Variants in TNFSF11 observed in about 807,000 individuals in gnomAD.
TNFSF11 encodes the protein tumor necrosis factor ligand superfamily member 11.
Under a neutral mutation model 32.2 loss-of-function variants are expected in TNFSF11, and 12 were observed. The observed-to-expected ratio is 0.37, with a 90% CI of 0.24 to 0.60. The LOEUF (loss-of-function observed/expected upper bound fraction) is 0.60, where lower values mean the gene tolerates loss of function less well. Ranked by LOEUF, TNFSF11 falls within the 20% of genes least tolerant of loss-of-function variation. The pLI is 0.66. For missense variants in TNFSF11, 345 were observed against 398.0 expected, an observed-to-expected ratio of 0.87 and a Z score of 1.13; for synonymous variants, 172 against 152.1, an observed-to-expected ratio of 1.13 and a Z score of -0.96.
At chr13:42,599,349 C>CTATCTATCTATCT (rs11385072) in intron 2 of TNFSF11, among the ~76,000 whole-genome samples, 48 of 112,242 alleles carry the variant, frequency 4.3e-4, no homozygotes, top group East Asian at 1.9e-3. Flanking sequence ...ATCTATCTAT[C>CTATCTATCTATCT]ATCTATCTAT....
Position 42,606,627 on chromosome 13 carries a change from C to T in TNFSF11, c.663C>T (p.Cys221=). 6.2e-7 allele frequency: 1 copy of T among 1,614,180 alleles called. No individual in the cohort carries two copies. Among genetic ancestry groups the T allele is most frequent in the Non-Finnish European group, 8.5e-7 (1 of 1,180,026 alleles). Residue 221 remains cysteine, a synonymous_variant, in exon 5 of 5, where the codon TGC becomes TGT. Coordinates refer to ENST00000398795, the MANE Select transcript of TNFSF11 (RefSeq NM_003701.4). ...TTTATTACCTGTATGCCAACATTTG[C>T]TTTCGACATCATGAAACTTCAGGAG... The part of the protein sequence containing the change: ...DGFYYLYANI[C]FRHHETSGDL...
intron 1 of TNFSF11, among the ~76,000 whole-genome samples, chr13:42,577,837 A>G (rs1358996192): frequency 6.6e-6 from 1 of 152,222 alleles, no homozygotes; most frequent in Non-Finnish European, 1.5e-5. Context: ...GTTTCAAGGA[A>G]GTTAAAAAAA....
At chr13:42,573,567 C>A (rs1873147881), upstream of TNFSF11, among the ~76,000 whole-genome samples, 1 of 152,146 alleles carries the variant, frequency 6.6e-6, no homozygotes, top group Non-Finnish European at 1.5e-5. Context: ...GAGTTGGTGT[C>A]TATAGGCTCT....
chr13:42,574,272 A>C lies in TNFSF11; in HGVS notation c.-32A>C. The C allele has an allele frequency of 6.5e-7, 1 of 1,544,760 alleles. No individual in the cohort carries two copies. The highest frequency in any genetic ancestry group is 8.7e-7 in the Non-Finnish European group (1 of 1,144,730). On this transcript the variant is annotated 5_prime_UTR_variant, in exon 1 of 5. Transcript: ENST00000398795. ...AAGAAGGGGAGGGAGCGGGAGAGGGAGGAGAGCTCCGAAGCGAGAGGGCCG... is the reference window on the plus strand; with the variant it reads ...AAGAAGGGGAGGGAGCGGGAGAGGGCGGAGAGCTCCGAAGCGAGAGGGCCG...
chr13:42,578,474 A>C (rs1873428848), intron 1 of TNFSF11, among the ~76,000 whole-genome samples: 1 of 152,236 alleles, frequency 6.6e-6, no homozygotes, highest in African/African-American at 2.4e-5. Flanking sequence ...TGAGAAAGAC[A>C]TGTGGTTGTA....
Position 42,574,218 on chromosome 13 carries a change from C to A in TNFSF11, c.-86C>A. On this transcript the variant is annotated 5_prime_UTR_variant, in exon 1 of 5. Coordinates refer to ENST00000398795, the MANE Select transcript of TNFSF11 (RefSeq NM_003701.4). ...AAGTCGGCGCCCCACGTCGAGGCTCCGCCGCAGCCTCCGGAGTTGGCCGCA... is the reference window on the plus strand; with the variant it reads ...AAGTCGGCGCCCCACGTCGAGGCTCAGCCGCAGCCTCCGGAGTTGGCCGCA... 6 of 1,513,410 alleles carry A rather than the reference C, an allele frequency of 4.0e-6. No individual in the cohort carries two copies. The highest frequency in any genetic ancestry group is 5.4e-6 in the Non-Finnish European group (6 of 1,119,892). The allele number at this position is 1,513,410 out of a possible 1,614,324, so 93.7% of individuals were successfully genotyped here. A position where few individuals can be genotyped will look rare whatever the true frequency, so the allele number is the denominator to read the frequency against.
chr13:42,604,926 G>A (rs1253194360), intron 4 of TNFSF11, among the ~76,000 whole-genome samples: 1 of 152,150 alleles, frequency 6.6e-6, no homozygotes, highest in Non-Finnish European at 1.5e-5. Context: ...TGGGATTACG[G>A]GCGCCTGCCA....
intron 2 of TNFSF11, among the ~76,000 whole-genome samples, chr13:42,594,234 A>G (rs1420880325): frequency 1.3e-5 from 2 of 151,972 alleles, no homozygotes; most frequent in Non-Finnish European, 2.9e-5. Flanking sequence ...AACTGCCACC[A>G]TGCCCAGATA....
chr13:42,586,546 C>T (rs1873909912), intron 2 of TNFSF11, among the ~76,000 whole-genome samples: 1 of 152,180 alleles, frequency 6.6e-6, no homozygotes, highest in Admixed American at 6.5e-5. Flanking sequence ...ACATTTTCAT[C>T]AGGCTTCTTT....
chr13:42,578,165 T>C (rs1873412352), intron 1 of TNFSF11, among the ~76,000 whole-genome samples: 1 of 152,250 alleles, frequency 6.6e-6, no homozygotes, highest in Non-Finnish European at 1.5e-5. Context: ...CTGATTGTAA[T>C]ATGCAAATTA....
At position 42,591,605 on chromosome 13, in the gene TNFSF11, G is replaced by A. The variant is rs547587852; in HGVS notation, c.388-9147G>A. Among the ~76,000 whole-genome samples, 4 of 152,190 alleles carry A rather than the reference G, an allele frequency of 2.6e-5. No homozygotes were observed. The East Asian group carries it at 7.7e-4, about 29-fold the overall frequency. The stretch of plus-strand genomic sequence containing the variant: ...TTGCTTTGGGTGTTTTTGCACTATG[G>A]GCTCTTCATAAGGAACCAGGGGTCA... On this transcript the variant is annotated intron_variant, in intron 2 of 4. Coordinates refer to ENST00000398795, the MANE Select transcript of TNFSF11 (RefSeq NM_003701.4).
chr13:42,600,208 A>G (rs967768284), intron 2 of TNFSF11, among the ~76,000 whole-genome samples: 1 of 152,028 alleles, frequency 6.6e-6, no homozygotes, highest in African/African-American at 2.4e-5. Context: ...AATTGTTGGT[A>G]CTCTAAAGGC....
In TNFSF11 at chr13:42,606,702, C is replaced by A. The variant is rs1224826165; in HGVS notation, c.738C>A (p.Ser246Arg). The A allele has an allele frequency of 1.2e-6, 2 of 1,614,232 alleles. No homozygotes were observed. The highest frequency in any genetic ancestry group is 3.3e-5 in the Admixed American group (2 of 60,026). Residue 246 changes from serine (S) to arginine (R), a missense_variant, in exon 5 of 5, where the codon AGC becomes AGA. Physicochemically the swap from Ser to Arg is moderately radical, Grantham distance 110. Coordinates refer to ENST00000398795, the MANE Select transcript of TNFSF11 (RefSeq NM_003701.4). ...LQLMVYVTKTSIKIPSSHTLM... is the reference protein window; with the variant it reads ...LQLMVYVTKTRIKIPSSHTLM... ...TAATGGTGTACGTCACTAAAACCAG[C>A]ATCAAAATCCCAAGTTCTCATACCC...
intron 2 of TNFSF11, among the ~76,000 whole-genome samples, chr13:42,599,372 C>CTATCTATCTATTTATCTATT (rs879293020): frequency 1.3e-5 from 2 of 150,954 alleles, no homozygotes; most frequent in Non-Finnish European, 3.0e-5. Context: ...ATCTATCTAT[C>CTATCTATCTATTTATCTATT]TATCTATCTA....
chr13:42,567,769 A>G (rs1872920575), intron 2 of TNFSF11, among the ~76,000 whole-genome samples: 1 of 152,246 alleles, frequency 6.6e-6, no homozygotes, highest in Non-Finnish European at 1.5e-5. Flanking sequence ...ACCAAATTGT[A>G]AACAAGAGCT....
intron 2 of TNFSF11, among the ~76,000 whole-genome samples, chr13:42,590,022 C>T (rs1874090721): frequency 6.6e-6 from 1 of 152,220 alleles, no homozygotes; most frequent in African/African-American, 2.4e-5. Flanking sequence ...CTCCTGGGCC[C>T]ACACGGGGCT....
chr13:42,591,190 C>G (rs1868453229), intron 2 of TNFSF11, among the ~76,000 whole-genome samples: 1 of 152,120 alleles, frequency 6.6e-6, no homozygotes. Flanking sequence ...TTCATGTTGA[C>G]AAGAGTTTGG....
intron 2 of TNFSF11, among the ~76,000 whole-genome samples, chr13:42,599,330 TATCTATCTATCTATCTATC>T (rs1337321888): frequency 2.1e-5 from 3 of 139,700 alleles, no homozygotes; most frequent in Admixed American, 7.2e-5. Flanking sequence ...TCTATCTATC[TATCTATCTATCTATCTATC>T]ATCTATCTAT....
chr13:42,585,458 G>A (rs1014631597), intron 2 of TNFSF11, among the ~76,000 whole-genome samples: 1 of 152,082 alleles, frequency 6.6e-6, no homozygotes, highest in South Asian at 2.1e-4. Context: ...TTTTGTTTGT[G>A]GCTGGGTTTT....
Sources: allele counts gnomAD v4.1 joint callset (sites outside exome capture counted in the v4.1 genomes callset), GRCh38; gene constraint gnomAD v4.1.1; transcripts MANE v1.5; gene names NCBI Gene and HGNC (gene_info 2026-07-23, HGNC 2026-07-21).